Variants in HECTD2 observed in about 807,000 individuals in gnomAD.
HECTD2 encodes probable E3 ubiquitin-protein ligase HECTD2.
Under a neutral mutation model 103.2 loss-of-function variants are expected in HECTD2, and 35 were observed. That is an observed-to-expected ratio of 0.34 (90% confidence interval 0.26 to 0.45). The LOEUF (loss-of-function observed/expected upper bound fraction) is 0.45, where lower values mean the gene tolerates loss of function less well. Among genes scored for constraint, HECTD2 ranks in the 20% least tolerant of loss-of-function variants. The probability of loss-of-function intolerance (pLI) is 1.00; values close to 1 mark genes in which losing one functional copy is unlikely to be tolerated. For synonymous variants in HECTD2, 281 were observed against 329.9 expected (o/e 0.85, Z 1.61); for missense variants, 596 against 937.4 (o/e 0.64, Z 4.76).
intron 8 of HECTD2, among the ~76,000 whole-genome samples, chr10:91,483,936 CCTT>C (rs1846180937): frequency 6.6e-6 from 1 of 151,872 alleles, no homozygotes; most frequent in African/African-American, 2.4e-5. Context: ...CACATCACAA[CCTT>C]CTTGTTAGGA....
intron 2 of HECTD2, among the ~76,000 whole-genome samples, chr10:91,426,997 C>T (rs1192768325): frequency 2.1e-5 from 2 of 95,934 alleles, no homozygotes; most frequent in Non-Finnish European, 4.0e-5. Context: ...CTATCCCTCC[C>T]CCCTCCCCCC....
At position 91,454,541 on chromosome 10, in the gene HECTD2, C is replaced by T. The variant is rs569268838; in HGVS notation, c.269-5886C>T. Reference sequence around the variant, plus strand: ...GCAGTGCTGAGAGGGAAATTTATAGCAGTCATGCATACGTTAGAAAGGTGG... The same window carrying T: ...GCAGTGCTGAGAGGGAAATTTATAGTAGTCATGCATACGTTAGAAAGGTGG... On this transcript the variant is annotated intron_variant, in intron 2 of 20. Coordinates refer to ENST00000298068, the MANE Select transcript of HECTD2 (RefSeq NM_182765.6). 2.6e-5 allele frequency among the ~76,000 whole-genome samples: 4 copies of T among 151,574 alleles called. No homozygotes were observed. In the South Asian group the frequency reaches 6.3e-4, roughly 24 times the overall value.
rs754747620 is a variant in HECTD2, at chr10:91,491,170, G to A, written c.1192-30G>A. On this transcript the variant is annotated intron_variant, in intron 11 of 20. Coordinates refer to ENST00000298068, the MANE Select transcript of HECTD2 (RefSeq NM_182765.6). Reference sequence around the variant, plus strand: ...AAATGAAATTATAGTCTAAGTAAAAGCAAAACTGTTTACTTTCTTATTTAA... The same window carrying A: ...AAATGAAATTATAGTCTAAGTAAAAACAAAACTGTTTACTTTCTTATTTAA... The A allele has an allele frequency of 4.3e-6, 5 of 1,162,084 alleles. No homozygotes were observed. The Admixed American group carries it at 7.1e-5, about 17-fold the overall frequency. The allele number at this position is 1,162,084 out of a possible 1,614,324, so 72.0% of individuals were successfully genotyped here.
At chr10:91,434,270 T>C (rs1844021822) in intron 2 of HECTD2, among the ~76,000 whole-genome samples, 1 of 151,996 alleles carries the variant, frequency 6.6e-6, no homozygotes, top group South Asian at 2.1e-4. Context: ...TAATCCATTC[T>C]GGTCTTTCCT....
intron 2 of HECTD2, among the ~76,000 whole-genome samples, chr10:91,455,624 GT>G (rs1201943785): frequency 1.3e-5 from 2 of 152,104 alleles, no homozygotes; most frequent in Non-Finnish European, 2.9e-5. Flanking sequence ...TGCTTTTTGT[GT>G]TTTAGACATG....
chr10:91,510,450 A>AT (rs1253443150), intron 20 of HECTD2, among the ~76,000 whole-genome samples: 12 of 152,160 alleles, frequency 7.9e-5, no homozygotes, highest in African/African-American at 2.7e-4. Flanking sequence ...TCCTGGACAC[A>AT]TTTTTTCTTC....
chr10:91,482,922 G>A (rs373926563), intron 7 of HECTD2, 45 bp from the exon 8 acceptor site: 35 of 847,372 alleles, frequency 4.1e-5, no homozygotes, highest in Admixed American at 2.0e-4. Context: ...TTCCTTTTAC[G>A]TGTTAACAGA....
At chr10:91,449,114 T>C (rs1353024477) in intron 2 of HECTD2, among the ~76,000 whole-genome samples, 3 of 151,612 alleles carry the variant, frequency 2.0e-5, no homozygotes, top group Non-Finnish European at 4.4e-5. Context: ...TGAACATGGA[T>C]ATGAAAATCC....
At chr10:91,425,167 C>G in intron 1 of HECTD2, 114 bp from the exon 2 acceptor site, 6 of 825,168 alleles carry the variant, frequency 7.3e-6, no homozygotes, top group Non-Finnish European at 1.0e-5. Context: ...ACGTTTTTAT[C>G]TATTATCTAC....
chr10:91,490,657 C>T (rs924414320), intron 11 of HECTD2, among the ~76,000 whole-genome samples: 11 of 151,502 alleles, frequency 7.3e-5, no homozygotes, highest in Admixed American at 5.3e-4. Context: ...TTTGGGAGGC[C>T]GAGGCGGGCG....
chr10:91,478,226 T>G lies in HECTD2; in HGVS notation c.626T>G (p.Leu209Ter). 6.2e-7 allele frequency: 1 copy of G among 1,610,986 alleles called. No homozygotes were observed. The highest frequency in any genetic ancestry group is 8.5e-7 in the Non-Finnish European group (1 of 1,177,402). Residue 209 changes from leucine (L) to a stop codon, truncating the protein, a stop_gained, in exon 6 of 21, where the codon TTA (leucine) becomes TGA (stop). Coordinates refer to ENST00000298068, the MANE Select transcript of HECTD2 (RefSeq NM_182765.6). LOFTEE classifies it high-confidence loss of function. ...NTPQDVQKTV[L>*]KGIINSLLRE... The stretch of plus-strand genomic sequence containing the variant: ...CCTCAAGACGTTCAGAAGACAGTAT[T>G]AAAGGGAATCATTAACAGCCTGTTA...
intron 13 of HECTD2, 40 bp downstream of exon 13, chr10:91,492,524 A>G: frequency 6.7e-7 from 1 of 1,498,024 alleles, no homozygotes; most frequent in Non-Finnish European, 9.2e-7. Context: ...GTGTTTCTTC[A>G]TAATTGTTAG....
Position 91,514,619 on chromosome 10 carries a change from G to A in HECTD2, c.*2235G>A, listed in dbSNP as rs1335342446. The A allele has an allele frequency of 6.6e-6, 1 of 152,346 alleles. No individual in the cohort carries two copies. Among genetic ancestry groups the A allele is most frequent in the Admixed American group, 6.6e-5 (1 of 15,236 alleles). The allele number at this position is 152,346 out of a possible 1,614,324, so 9.4% of individuals were successfully genotyped here. A position where few individuals can be genotyped will look rare whatever the true frequency, so the allele number is the denominator to read the frequency against. ...TTTATCAGTATTTTTTAAACATCCT[G>A]TCCTTTTTTAAAATCTTTGCTTAGT... On this transcript the variant is annotated 3_prime_UTR_variant, in exon 21 of 21. Transcript: ENST00000298068.
intron 15 of HECTD2, among the ~76,000 whole-genome samples, chr10:91,496,912 T>A (rs1846687797): frequency 1.3e-5 from 2 of 151,736 alleles, no homozygotes; most frequent in African/African-American, 2.4e-5. Context: ...TTTCTATTTT[T>A]AAATCTTTAT....
chr10:91,463,565 G>T (rs940648224), intron 5 of HECTD2: 12 of 152,238 alleles, frequency 7.9e-5, no homozygotes, highest in Non-Finnish European at 1.8e-4. Context: ...AAAAAGGAGA[G>T]TTTTATCTCC....
chr10:91,480,978 C>A (rs1001594216), intron 6 of HECTD2, 116 bp from the exon 7 acceptor site: 5 of 621,752 alleles, frequency 8.0e-6, no homozygotes, highest in African/African-American at 7.8e-5. Flanking sequence ...GCATATTAAT[C>A]CTAGTTTTTG....
chr10:91,473,781 A>G (rs1845811655), intron 5 of HECTD2, among the ~76,000 whole-genome samples: 1 of 152,214 alleles, frequency 6.6e-6, no homozygotes, highest in African/African-American at 2.4e-5. Flanking sequence ...TGTATAATAC[A>G]TAATACATAT....
intron 19 of HECTD2, 35 bp from the exon 20 acceptor site, chr10:91,501,156 G>T: frequency 6.3e-7 from 1 of 1,583,146 alleles, no homozygotes; most frequent in Non-Finnish European, 8.6e-7. Flanking sequence ...TTTTTGTCAA[G>T]ACATTTGATG....
intron 2 of HECTD2, among the ~76,000 whole-genome samples, chr10:91,428,020 T>C (rs1320092130): frequency 6.6e-6 from 1 of 151,906 alleles, no homozygotes; most frequent in Non-Finnish European, 1.5e-5. Flanking sequence ...GTCTAACATT[T>C]AAGTCTTTAA....
Sources: allele counts gnomAD v4.1 joint callset (sites outside exome capture counted in the v4.1 genomes callset), GRCh38; gene constraint gnomAD v4.1.1; transcripts MANE v1.5; gene names NCBI Gene and HGNC (gene_info 2026-07-23, HGNC 2026-07-21).